Variants in TOGARAM1 observed in about 807,000 individuals in gnomAD.
TOGARAM1 encodes TOG array regulator of axonemal microtubules 1, also known as TOG array regulator of axonemal microtubules protein 1.
In TOGARAM1, 100 loss-of-function variants were observed where a neutral mutation model predicts 166.6. The observed-to-expected ratio is 0.60, with a 90% CI of 0.51 to 0.71. The LOEUF is 0.71. Among genes scored for constraint, TOGARAM1 ranks in the 30% least tolerant of loss-of-function variants. The pLI is 0.00. For missense variants in TOGARAM1, 2,029 were observed against 2,102.7 expected (o/e 0.96, Z 0.69); for synonymous variants, 758 against 763.8 (o/e 0.99, Z 0.13).
chr14:44,989,804 G>T (rs1887033246), intron 1 of TOGARAM1, among the ~76,000 whole-genome samples: 1 of 152,194 alleles, frequency 6.6e-6, no homozygotes, highest in African/African-American at 2.4e-5. Context: ...CTGCTATAAA[G>T]AACTGCCCAA....
chr14:44,992,749 C>G (rs1200964132), intron 1 of TOGARAM1, among the ~76,000 whole-genome samples: 1 of 150,920 alleles, frequency 6.6e-6, no homozygotes, highest in African/African-American at 2.4e-5. Flanking sequence ...TCCCGAGTAG[C>G]TGGGACTACA....
In TOGARAM1 at chr14:45,071,216, G is replaced by A. The variant is rs141055060; in HGVS notation, c.4970-496G>A. ...ATTACAGGCATGAGCCACCACACCC[G>A]GCTGCTTTTTCTGTTTTTTGATAAA... On this transcript the variant is annotated intron_variant, in intron 18 of 19. Coordinates refer to ENST00000361462, the MANE Select transcript of TOGARAM1 (RefSeq NM_001308120.2). 6.3e-3 allele frequency among the ~76,000 whole-genome samples: 949 copies of A among 151,716 alleles called. 8 individuals carry two copies. The highest frequency in any genetic ancestry group is 0.021 in the African/African-American group (874 of 41,350).
intron 11 of TOGARAM1, among the ~76,000 whole-genome samples, chr14:45,039,851 C>A (rs562838833): frequency 3.7e-4 from 57 of 152,270 alleles, no homozygotes; most frequent in Admixed American, 3.1e-3. Flanking sequence ...GGGGGCATGG[C>A]TCCCACCTGT....
intron 1 of TOGARAM1, among the ~76,000 whole-genome samples, chr14:44,983,515 A>G (rs1886637420): frequency 6.6e-6 from 1 of 152,172 alleles, no homozygotes; most frequent in East Asian, 1.9e-4. Context: ...GCTCCTAGGT[A>G]TTGCTGATGC....
At chr14:44,989,478 A>G (rs1887017922) in intron 1 of TOGARAM1, among the ~76,000 whole-genome samples, 1 of 152,138 alleles carries the variant, frequency 6.6e-6, no homozygotes, top group African/African-American at 2.4e-5. Flanking sequence ...GGTAGGGTCC[A>G]TAATAAGCAA....
At chr14:45,036,090 A>G (rs534224702) in intron 11 of TOGARAM1, among the ~76,000 whole-genome samples, 67 of 147,180 alleles carry the variant, frequency 4.6e-4, no homozygotes, top group Non-Finnish European at 8.6e-4. Context: ...TGATTGTGCC[A>G]CTACACTGCA....
intron 11 of TOGARAM1, among the ~76,000 whole-genome samples, chr14:45,037,789 A>G (rs1881506735): frequency 6.6e-6 from 1 of 151,716 alleles, no homozygotes. Flanking sequence ...ACACTTTGGG[A>G]GGCTGAGGCG....
Position 44,962,259 on chromosome 14 carries a change from G to A in TOGARAM1, c.-163G>A. 1 of 834,118 alleles carries A rather than the reference G, an allele frequency of 1.2e-6. No individual in the cohort carries two copies. The highest frequency in any genetic ancestry group is 2.4e-5 in the South Asian group (1 of 41,616). 51.7% of individuals were successfully genotyped at this position (834,118 alleles called of 1,614,324 possible). ...GGCTCAGACGGGGGCCATTTTGCCAGAGGCTGCCTCCCGGAGTTGGGGGCG... is the reference window on the plus strand; with the variant it reads ...GGCTCAGACGGGGGCCATTTTGCCAAAGGCTGCCTCCCGGAGTTGGGGGCG... On this transcript the variant is annotated 5_prime_UTR_variant, in exon 1 of 20. Coordinates refer to ENST00000361462, the MANE Select transcript of TOGARAM1 (RefSeq NM_001308120.2).
intron 1 of TOGARAM1, among the ~76,000 whole-genome samples, chr14:44,969,263 T>G (rs1379246585): frequency 2.0e-5 from 3 of 151,498 alleles, no homozygotes; most frequent in Non-Finnish European, 4.4e-5. Context: ...GTAATTCTCC[T>G]GCCTCAGGCT....
chr14:44,978,493 T>C (rs1415796260), intron 1 of TOGARAM1, among the ~76,000 whole-genome samples: 1 of 152,162 alleles, frequency 6.6e-6, no homozygotes, highest in Non-Finnish European at 1.5e-5. Context: ...AAATTACTGA[T>C]AGAAGCAGTA....
intron 11 of TOGARAM1, among the ~76,000 whole-genome samples, chr14:45,034,139 A>G (rs1881309705): frequency 6.6e-6 from 1 of 152,220 alleles, no homozygotes; most frequent in Non-Finnish European, 1.5e-5. Context: ...CCTGGGTGAC[A>G]GAGTGAGACT....
chr14:44,970,005 T>A (rs138190737), intron 1 of TOGARAM1, among the ~76,000 whole-genome samples: 4 of 152,364 alleles, frequency 2.6e-5, no homozygotes, highest in Non-Finnish European at 4.4e-5. Flanking sequence ...TCCTTCCATG[T>A]TGAGTTCACT....
chr14:45,013,375 C>G lies in TOGARAM1; in HGVS notation c.3238+1300C>G, dbSNP rs533685501. ...CTTGATCCCCAAAGATTATTTCCCA[C>G]TGATTACCTATCAAGGCTTATCATA... On this transcript the variant is annotated intron_variant, in intron 7 of 19. Coordinates refer to ENST00000361462, the MANE Select transcript of TOGARAM1 (RefSeq NM_001308120.2). Among the ~76,000 whole-genome samples the G allele has an allele frequency of 2.0e-4, 30 of 152,288 alleles. No individual in the cohort carries two copies. In the East Asian group the frequency reaches 5.0e-3, roughly 25 times the overall value.
chr14:44,997,404 C>CAAAAAAA lies in TOGARAM1; in HGVS notation c.2203+1524_2203+1530dup, dbSNP rs1167788236. 6 of 20,852 alleles carry CAAAAAAA rather than the reference C, an allele frequency of 2.9e-4. 1 individual carries two copies. The highest frequency in any genetic ancestry group is 1.3e-3 in the East Asian group (1 of 760). 1.3% of individuals were successfully genotyped at this position (20,852 alleles called of 1,614,324 possible). ...CTGGCAACAAAGCAAGACTCCATCT[C>CAAAAAAA]AAAAAAAAAAAAAAAAAAAAAAAAA... On this transcript the variant is annotated intron_variant, in intron 2 of 19. Coordinates refer to ENST00000361462, the MANE Select transcript of TOGARAM1 (RefSeq NM_001308120.2).
intron 1 of TOGARAM1, among the ~76,000 whole-genome samples, chr14:44,994,455 G>A (rs1439524147): frequency 6.6e-6 from 1 of 152,060 alleles, no homozygotes; most frequent in East Asian, 1.9e-4. Context: ...GTCTCAGTCA[G>A]TCACTCAGGC....
chr14:45,067,583 A>G (rs918420708), intron 17 of TOGARAM1, among the ~76,000 whole-genome samples: 2 of 152,176 alleles, frequency 1.3e-5, no homozygotes, highest in East Asian at 3.9e-4. Flanking sequence ...AATTTGTGTA[A>G]TGTGCATTAT....
At position 45,073,269 on chromosome 14, in the gene TOGARAM1, C is replaced by A. The variant is rs201040507; in HGVS notation, c.5057-27C>A. 131 of 1,579,992 alleles carry A rather than the reference C, an allele frequency of 8.3e-5. No homozygotes were observed. In the African/African-American group the frequency reaches 1.7e-3, roughly 20 times the overall value. On this transcript the variant is annotated intron_variant, in intron 19 of 19. Coordinates refer to ENST00000361462, the MANE Select transcript of TOGARAM1 (RefSeq NM_001308120.2). ...TTGGGCTTATTTATTAAGAAAAAAC[C>A]CTGTTTTTTATATTTTTATGTTTCA...
Position 44,963,788 on chromosome 14 carries a change from T to G in TOGARAM1, c.1367T>G (p.Met456Arg), listed in dbSNP as rs148321239. The G allele has an allele frequency of 6.2e-7, 1 of 1,613,952 alleles. No homozygotes were observed. The highest frequency in any genetic ancestry group is 8.5e-7 in the Non-Finnish European group (1 of 1,179,988). ...DNKLVIKQEY[M>R]KIFLKLMKEV... The stretch of plus-strand genomic sequence containing the variant: ...AAGTTGGTGATCAAACAAGAATACA[T>G]GAAAATCTTCCTCAAGCTAATGAAG... The change falls in exon 1 of 20, where the codon ATG (methionine) becomes AGG (arginine). Residue 456 changes from methionine (M) to arginine (R), a missense_variant. Physicochemically the swap from Met to Arg is moderately conservative, Grantham distance 91 (BLOSUM62 -1). This residue lies in a region of TOGARAM1 where 1,453 missense variants were observed against 1,432.2 expected (regional missense o/e 1.01). Coordinates refer to ENST00000361462, the MANE Select transcript of TOGARAM1 (RefSeq NM_001308120.2).
At chr14:44,998,785 T>C (rs1267953912) in intron 2 of TOGARAM1, among the ~76,000 whole-genome samples, 1 of 151,778 alleles carries the variant, frequency 6.6e-6, no homozygotes, top group Non-Finnish European at 1.5e-5. Context: ...GCCAGAGGAG[T>C]CATTACCACC....
Sources: gnomAD v4.1 joint callset for allele counts (sites outside exome capture counted in the v4.1 genomes callset) on GRCh38, gnomAD v4.1.1 for gene constraint, gnomAD v4.1.1 regional missense constraint, MANE v1.5 for transcripts, NCBI Gene and HGNC (gene_info 2026-07-23, HGNC 2026-07-21) for gene names.